SHISAL1: variants seen among roughly 807,000 people sequenced by gnomAD.
SHISAL1 encodes the protein protein shisa-like-1.
In SHISAL1, 9 loss-of-function variants were observed where a neutral mutation model predicts 22.6. That is an observed-to-expected ratio of 0.40 (90% CI 0.24 to 0.70). The LOEUF (loss-of-function observed/expected upper bound fraction) is 0.70, where lower values mean the gene tolerates loss of function less well. SHISAL1 is among the 30% of genes least tolerant of loss of function. The pLI, the probability that SHISAL1 is intolerant of heterozygous loss-of-function variation, is 0.39. For synonymous variants in SHISAL1, 119 were observed against 115.4 expected (o/e 1.03, Z -0.20); for missense variants, 246 against 270.6 (o/e 0.91, Z 0.64).
intron 4 of SHISAL1, among the ~76,000 whole-genome samples, chr22:44,283,719 C>T (rs1014352576): frequency 6.6e-6 from 1 of 152,182 alleles, no homozygotes; most frequent in African/African-American, 2.4e-5. Flanking sequence ...GGGAGGACCA[C>T]CGTTTTAAAC....
In SHISAL1 at chr22:44,296,847, C is replaced by A; in HGVS notation, c.106G>T (p.Asp36Tyr). The change falls in exon 3 of 5, where the codon GAC becomes TAC. Residue 36 changes from aspartate to tyrosine, a missense_variant. Around this residue, in one of 2 missense-constraint regions of SHISAL1, gnomAD observed 110 missense variants for 153.1 expected, o/e 0.72. Coordinates refer to ENST00000381176, the MANE Select transcript of SHISAL1 (RefSeq NM_001099294.2). ...CCAAAGTGGTAGCGGCCTTTGTGGT[C>A]TGTGTATGGTTCACAGACCCGGAAA... ...AHFRVCEPYT[D>Y]HKGRYHFGFH... The A allele has an allele frequency of 6.2e-7, 1 of 1,613,110 alleles. No homozygotes were observed. Among genetic ancestry groups the A allele is most frequent in the South Asian group, 1.1e-5 (1 of 91,004 alleles).
At chr22:44,322,306 T>C in the SHISAL1 span, among the ~76,000 whole-genome samples, 1 of 152,210 alleles carries the variant, frequency 6.6e-6, no homozygotes, top group African/African-American at 2.4e-5. Context: ...CCAAGGGCCT[T>C]GGGCAGAGCA....
chr22:44,318,723 G>C, the SHISAL1 span, among the ~76,000 whole-genome samples: 1 of 152,242 alleles, frequency 6.6e-6, no homozygotes, highest in Admixed American at 6.5e-5. Context: ...CATCCTCTCC[G>C]GAGGCTCGCG....
intron 3 of SHISAL1, among the ~76,000 whole-genome samples, chr22:44,294,241 G>A (rs2055371422): frequency 6.6e-6 from 1 of 152,188 alleles, no homozygotes; most frequent in Admixed American, 6.5e-5. Context: ...ATTATTCTAA[G>A]GGCTGAGCAG....
intron 4 of SHISAL1, among the ~76,000 whole-genome samples, chr22:44,273,274 C>T (rs1220588326): frequency 2.0e-5 from 3 of 152,128 alleles, no homozygotes; most frequent in Non-Finnish European, 4.4e-5. Flanking sequence ...ATTTGTAGCA[C>T]GTGCTGTCAA....
chr22:44,319,999 G>A, the SHISAL1 span, among the ~76,000 whole-genome samples: 1 of 152,214 alleles, frequency 6.6e-6, no homozygotes, highest in African/African-American at 2.4e-5. Flanking sequence ...CCATGTGACT[G>A]TGAATGGGTC....
intron 4 of SHISAL1, among the ~76,000 whole-genome samples, chr22:44,264,199 T>A (rs1281783082): frequency 6.6e-6 from 1 of 152,130 alleles, no homozygotes; most frequent in African/African-American, 2.4e-5. Flanking sequence ...GGTGGACCCA[T>A]GGGATTGCCC....
intron 4 of SHISAL1, among the ~76,000 whole-genome samples, chr22:44,283,458 T>C (rs1259878898): frequency 6.6e-6 from 1 of 151,970 alleles, no homozygotes; most frequent in Non-Finnish European, 1.5e-5. Context: ...GGAAAAGCAA[T>C]ATGGAACAGG....
chr22:44,300,971 G>C lies in SHISAL1; in HGVS notation c.-26C>G. ...CGTCTGGCTTGCATTGATCCGTCCA[G>C]AGCTGCCTGTTCAATGAGAGCCACG... On this transcript the variant is annotated 5_prime_UTR_variant, in exon 2 of 5. Transcript: ENST00000381176. 1 of 1,610,734 alleles carries C rather than the reference G, an allele frequency of 6.2e-7. No individual in the cohort carries two copies. Among genetic ancestry groups the C allele is most frequent in the South Asian group, 1.1e-5 (1 of 90,864 alleles).
chr22:44,284,574 T>C (rs886939470), intron 4 of SHISAL1, among the ~76,000 whole-genome samples: 1 of 152,148 alleles, frequency 6.6e-6, no homozygotes, highest in Non-Finnish European at 1.5e-5. Context: ...TGTGTGCCCA[T>C]GGCTGCAGCT....
chr22:44,283,867 G>A (rs1395028322), intron 4 of SHISAL1, among the ~76,000 whole-genome samples: 6 of 152,084 alleles, frequency 3.9e-5, no homozygotes, highest in African/African-American at 4.8e-5. Context: ...AACCCTCTAG[G>A]TGTGTCTGTT....
At chr22:44,257,210 A>G (rs1162507525) in intron 4 of SHISAL1, among the ~76,000 whole-genome samples, 2 of 152,218 alleles carry the variant, frequency 1.3e-5, no homozygotes, top group Non-Finnish European at 2.9e-5. Flanking sequence ...TCACGTAACG[A>G]TTATCCTACA....
chr22:44,325,908 C>G, the SHISAL1 span, among the ~76,000 whole-genome samples: 1 of 151,680 alleles, frequency 6.6e-6, no homozygotes, highest in Non-Finnish European at 1.5e-5. Context: ...TATCAAGACC[C>G]AAGCCGAAAT....
chr22:44,300,674 A>G (rs2055421675), intron 2 of SHISAL1, among the ~76,000 whole-genome samples: 1 of 152,126 alleles, frequency 6.6e-6, no homozygotes, highest in Non-Finnish European at 1.5e-5. Context: ...TGCACAGTAG[A>G]GATAGAGACA....
At chr22:44,263,858 A>G (rs139876446) in intron 4 of SHISAL1, among the ~76,000 whole-genome samples, 2 of 152,326 alleles carry the variant, frequency 1.3e-5, no homozygotes, top group African/African-American at 4.8e-5. Flanking sequence ...TGTCCTCTGG[A>G]TCTGTACAAG....
intron 4 of SHISAL1, among the ~76,000 whole-genome samples, chr22:44,270,748 G>A (rs2055200408): frequency 6.6e-6 from 1 of 152,176 alleles, no homozygotes; most frequent in Non-Finnish European, 1.5e-5. Context: ...CACCCCTGCA[G>A]CTGTGCTTCC....
chr22:44,300,166 G>A (rs2055418025), intron 2 of SHISAL1, among the ~76,000 whole-genome samples: 1 of 150,828 alleles, frequency 6.6e-6, no homozygotes, highest in South Asian at 2.1e-4. Flanking sequence ...CAGAGACAGA[G>A]AGAGATAGAG....
At chr22:44,323,460 TCATC>T in the SHISAL1 span, among the ~76,000 whole-genome samples, 9 of 72,444 alleles carry the variant, frequency 1.2e-4, no homozygotes, top group African/African-American at 4.8e-4. Flanking sequence ...ATCCATCCAT[TCATC>T]CATCCATCCA....
At chr22:44,278,126 T>G (rs1408659543) in intron 4 of SHISAL1, among the ~76,000 whole-genome samples, 2 of 152,310 alleles carry the variant, frequency 1.3e-5, no homozygotes, top group African/African-American at 4.8e-5. Context: ...TTCATCTGGG[T>G]GGGCACCATC....
Sources: allele counts gnomAD v4.1 joint callset (sites outside exome capture counted in the v4.1 genomes callset), GRCh38; gene constraint gnomAD v4.1.1; regional missense constraint gnomAD v4.1.1; transcripts MANE v1.5; gene names NCBI Gene and HGNC (gene_info 2026-07-23, HGNC 2026-07-21).